Variants in MED14 observed in about 807,000 individuals in gnomAD.
The protein encoded by MED14 is mediator complex subunit 14, also known as mediator of RNA polymerase II transcription subunit 14.
In MED14, 8 loss-of-function variants were observed where a neutral mutation model predicts 109.0. The observed-to-expected ratio is 0.07, with a 90% CI of 0.04 to 0.13. The LOEUF (loss-of-function observed/expected upper bound fraction) is 0.13. Among genes scored for constraint, MED14 ranks in the 10% least tolerant of loss-of-function variants. The pLI is 1.00. For synonymous variants in MED14, 399 were observed against 408.7 expected (o/e 0.98, Z 0.29); for missense variants, 711 against 1,142.4 (o/e 0.62, Z 5.44).
At chrX:40,726,997 A>C (rs755896843) in intron 2 of MED14, 146 bp from the exon 3 acceptor site, 13 of 461,657 alleles carry the variant, frequency 2.8e-5, no homozygotes, top group African/African-American at 2.5e-4. Context: ...ATTTATCTAA[A>C]TATGAACTAT....
chrX:40,678,679 G>A (rs1028674382), intron 21 of MED14, among the ~76,000 whole-genome samples: 2 of 109,826 alleles, frequency 1.8e-5, no homozygotes, highest in South Asian at 3.9e-4. Context: ...AAAATTATCC[G>A]GGTGTGGTCC....
At chrX:40,726,237 G>GCCCTATAC (rs1384879511) in intron 3 of MED14, among the ~76,000 whole-genome samples, 1 of 110,856 alleles carries the variant, frequency 9.0e-6, no homozygotes, top group Admixed American at 9.6e-5. Flanking sequence ...CATCCTCTGT[G>GCCCTATAC]CCCTATACCC....
chrX:40,735,627 G>A (rs1309078043), upstream of MED14: 2 of 500,185 alleles, frequency 4.0e-6, no homozygotes, highest in South Asian at 2.5e-5. Context: ...GGCGGGGGGA[G>A]GCGGGGATGG....
chrX:40,730,964 A>G (rs1026984907), intron 1 of MED14, among the ~76,000 whole-genome samples: 4 of 108,316 alleles, frequency 3.7e-5, no homozygotes, highest in African/African-American at 1.3e-4. Context: ...CAGCCTGGGC[A>G]CACATGGCAA....
chrX:40,667,950 G>A (rs1446103899), intron 23 of MED14, among the ~76,000 whole-genome samples: 1 of 111,797 alleles, frequency 8.9e-6, no homozygotes, highest in Non-Finnish European at 1.9e-5. Context: ...GGAAGGGCCT[G>A]CCATTTACTG....
intron 19 of MED14, among the ~76,000 whole-genome samples, chrX:40,681,651 G>C (rs1320159782): frequency 9.0e-6 from 1 of 111,537 alleles, no homozygotes; most frequent in Non-Finnish European, 1.9e-5. Context: ...CCCCATCATA[G>C]GGTATTATTT....
chrX:40,705,738 C>T (rs1448166062), intron 10 of MED14, among the ~76,000 whole-genome samples: 2 of 111,219 alleles, frequency 1.8e-5, no homozygotes, highest in South Asian at 3.8e-4. Flanking sequence ...GAGTGAAGAG[C>T]GGCAACTAAG....
chrX:40,680,173 AC>A, intron 20 of MED14, 40 bp from the exon 21 acceptor site: 1 of 1,171,228 alleles, frequency 8.5e-7, no homozygotes, highest in Non-Finnish European at 1.2e-6. Context: ...CAGTTTCTGT[AC>A]AAATGTTAAA....
intron 3 of MED14, among the ~76,000 whole-genome samples, chrX:40,715,276 C>A (rs1033641273): frequency 1.8e-5 from 2 of 111,567 alleles, no homozygotes; most frequent in African/African-American, 6.5e-5. Context: ...ATAGCCAACT[C>A]ATTTTCCAAA....
chrX:40,726,994 T>G (rs1345093073), intron 2 of MED14, 143 bp from the exon 3 acceptor site: 2 of 475,828 alleles, frequency 4.2e-6, no homozygotes, highest in African/African-American at 4.9e-5. Context: ...AATATTTATC[T>G]AAATATGAAC....
chrX:40,697,266 C>A, intron 12 of MED14, 83 bp from the exon 13 acceptor site: 5 of 541,429 alleles, frequency 9.2e-6, no homozygotes, highest in East Asian at 7.2e-5. Flanking sequence ...TGATTAAAGA[C>A]CATTAAAAAA....
intron 28 of MED14, among the ~76,000 whole-genome samples, chrX:40,655,869 A>C (rs1276043757): frequency 1.8e-5 from 2 of 111,593 alleles, no homozygotes; most frequent in Non-Finnish European, 3.8e-5. Flanking sequence ...TCAAATCAAC[A>C]CTAGAAACAT....
intron 24 of MED14, 59 bp downstream of exon 24, chrX:40,666,661 A>C (rs5963830): frequency 2.0e-5 from 23 of 1,149,317 alleles, no homozygotes; most frequent in Non-Finnish European, 2.2e-5. Context: ...AATTTACTCA[A>C]CAAAAATTAT....
chrX:40,707,846 G>A (rs1166146929), intron 10 of MED14, among the ~76,000 whole-genome samples: 3 of 111,398 alleles, frequency 2.7e-5, no homozygotes, highest in Admixed American at 9.5e-5. Flanking sequence ...ATCAAATTGT[G>A]GTGATAGTTG....
At position 40,714,586 on chromosome X, in the gene MED14, A is replaced by G. The variant is rs1403490286; in HGVS notation, c.473T>C (p.Ile158Thr). The G allele has an allele frequency of 2.5e-6, 3 of 1,211,790 alleles. No homozygotes were observed. The highest frequency in any genetic ancestry group is 3.0e-5 in the East Asian group (1 of 33,857). Residue 158 changes from isoleucine to threonine, a missense_variant, in exon 4 of 31, where the codon ATT becomes ACT. Ile to Thr is a moderately conservative substitution (Grantham distance 89). Transcript: ENST00000324817. ...RLPSFAIPYA[I>T]DVLTTGSYPR... ...GTAAGATCCAGTAGTTAGTACATCA[A>G]TGGCATATGGGATGGCAAAACTAGG...
Position 40,651,332 on chromosome X carries a change from C to T in MED14, c.*474G>A, listed in dbSNP as rs899231111. ...CTTCCTTGGGGTGTGTTTATAACAA[C>T]TCCCAGAACATTTCATGTAAGGATT... On this transcript the variant is annotated 3_prime_UTR_variant, in exon 31 of 31. Coordinates refer to ENST00000324817, the MANE Select transcript of MED14 (RefSeq NM_004229.4). 1.3e-6 allele frequency: 1 copy of T among 749,549 alleles called. No homozygotes were observed. The highest frequency in any genetic ancestry group is 6.8e-5 in the South Asian group (1 of 14,661). The allele number at this position is 749,549 out of a possible 1,213,427, so 61.8% of individuals were successfully genotyped here.
intron 21 of MED14, among the ~76,000 whole-genome samples, chrX:40,677,509 AAAAAGT>A (rs1929949174): frequency 8.9e-6 from 1 of 112,126 alleles, no homozygotes; most frequent in African/African-American, 3.2e-5. Context: ...GGATAAAAAG[AAAAAGT>A]AATGTTGCCA....
In MED14 at chrX:40,680,793, A is replaced by G; in HGVS notation, c.2575T>C (p.Phe859Leu). The G allele has an allele frequency of 8.3e-7, 1 of 1,205,071 alleles. No individual in the cohort carries two copies. Residue 859 changes from phenylalanine (F) to leucine (L), a missense_variant, in exon 20 of 31, where the codon TTC (phenylalanine) becomes CTC (leucine). By Grantham distance (22) the Phe-to-Leu change is conservative (BLOSUM62 0). Around this residue, in one of 8 missense-constraint regions of MED14, gnomAD observed 29 missense variants for 102.4 expected, o/e 0.28. Transcript: ENST00000324817. ...TGAACCACATTTGGTGTTTTGTTGAACATTTCTTGAAGCTGATGGAGAATG... is the reference window on the plus strand; with the variant it reads ...TGAACCACATTTGGTGTTTTGTTGAGCATTTCTTGAAGCTGATGGAGAATG... ...NTILHQLQEM[F>L]NKTPNVVQLL... is the part of the protein sequence containing the mutation.
At position 40,675,343 on chromosome X, in the gene MED14, C is replaced by A; in HGVS notation, c.2899G>T (p.Val967Phe). ...CTTCGAGCATCCTGATTGCTGTCAA[C>A]AAACATATTCAGGAACGTCTACGGA... is the stretch of plus-strand genomic sequence containing the variant. The part of the protein sequence containing the change: ...PGLKTFLNMF[V>F]DSNQDARRRS... The change falls in exon 22 of 31, where the codon GTT becomes TTT. Residue 967 changes from valine (V) to phenylalanine (F), a missense_variant. This residue lies in a region of MED14 where 100 missense variants were observed against 147.5 expected (regional missense o/e 0.68). Coordinates refer to ENST00000324817, the MANE Select transcript of MED14 (RefSeq NM_004229.4). The A allele has an allele frequency of 8.4e-7, 1 of 1,190,897 alleles. No homozygotes were observed. Among genetic ancestry groups the A allele is most frequent in the South Asian group, 2.0e-5 (1 of 51,034 alleles).
Sources: gnomAD v4.1 joint callset for allele counts (sites outside exome capture counted in the v4.1 genomes callset) on GRCh38, gnomAD v4.1.1 for gene constraint, gnomAD v4.1.1 regional missense constraint, MANE v1.5 for transcripts, NCBI Gene and HGNC (gene_info 2026-07-23, HGNC 2026-07-21) for gene names.